The following HSPG2 variants were observed in gnomAD, a reference collection of about 807,000 sequenced individuals.
The protein encoded by HSPG2 is heparan sulfate proteoglycan 2, also known as basement membrane-specific heparan sulfate proteoglycan core protein.
HSPG2 carries 278 observed loss-of-function variants against 526.6 expected under a neutral mutation model. That is an observed-to-expected ratio of 0.53 (90% CI 0.48 to 0.58). The LOEUF (loss-of-function observed/expected upper bound fraction) is 0.58, where lower values mean the gene tolerates loss of function less well. HSPG2 is among the 20% of genes least tolerant of loss of function. HSPG2 has a pLI of 0.00. For missense variants in HSPG2, 5,354 were observed against 6,099.5 expected (o/e 0.88, Z 4.07); for synonymous variants, 2,465 against 2,555.4 (o/e 0.96, Z 1.07).
At position 21,865,653 on chromosome 1, in the gene HSPG2, C is replaced by A. The variant is rs1199878011; in HGVS notation, c.4314+64G>T. On this transcript the variant is annotated intron_variant, in intron 34 of 96. Transcript: ENST00000374695. This position sits in a 1 kb window ranked among gnomAD's most constrained non-coding sequence, Gnocchi z 5.4. ...GGATGGAAAGGACAAAGGACAAATG[C>A]CGAGGGTGCCCCTGGCTTCCATCCT... 3.0e-6 allele frequency: 4 copies of A among 1,329,222 alleles called. No individual in the cohort carries two copies. Among genetic ancestry groups the A allele is most frequent in the African/African-American group, 2.9e-5 (2 of 69,302 alleles). The allele number at this position is 1,329,222 out of a possible 1,614,324, so 82.3% of individuals were successfully genotyped here.
intron 33 of HSPG2, chr1:21,869,776 G>T: frequency 1.0e-6 from 1 of 953,654 alleles, no homozygotes; most frequent in Non-Finnish European, 1.2e-6. Flanking sequence ...TGCACTGTCT[G>T]CTCACAAGTG....
In HSPG2 at chr1:21,872,885, G is replaced by A; in HGVS notation, c.3888+112C>T. The A allele has an allele frequency of 6.5e-7, 1 of 1,532,652 alleles. No homozygotes were observed. The highest frequency in any genetic ancestry group is 9.0e-7 in the Non-Finnish European group (1 of 1,108,084). The allele number at this position is 1,532,652 out of a possible 1,614,324, so 94.9% of individuals were successfully genotyped here. On this transcript the variant is annotated intron_variant, in intron 31 of 96. Coordinates refer to ENST00000374695, the MANE Select transcript of HSPG2 (RefSeq NM_005529.7). The surrounding 1 kb of genome is among the most constrained non-coding windows in gnomAD (Gnocchi z 5.5). ...GGGCAGCCCCTGCCCTGTCCCCCAT[G>A]CCCTGCCCCCCATGCCCAGGTCTCG...
intron 80 of HSPG2, 83 bp from the exon 81 acceptor site, chr1:21,832,689 T>G: frequency 9.7e-7 from 1 of 1,028,310 alleles, no homozygotes; most frequent in Non-Finnish European, 1.5e-6. Context: ...ACCCAAGCTC[T>G]TGAGCCTGTC....
At chr1:21,830,690 C>CAAAAAAAAAAA in intron 85 of HSPG2, 2 of 106,406 alleles carry the variant, frequency 1.9e-5, no homozygotes, top group South Asian at 1.0e-4. Flanking sequence ...AACTTCGTCT[C>CAAAAAAAAAAA]AAAAAAAAAA....
chr1:21,883,125 G>A (rs1395699095), intron 13 of HSPG2, among the ~76,000 whole-genome samples: 1 of 152,100 alleles, frequency 6.6e-6, no homozygotes, highest in African/African-American at 2.4e-5. Flanking sequence ...TGTGAACCCA[G>A]GGAAGCCCCA....
At chr1:21,901,158 C>T (rs1389921766) in intron 1 of HSPG2, among the ~76,000 whole-genome samples, 2 of 151,968 alleles carry the variant, frequency 1.3e-5, no homozygotes, top group Admixed American at 6.6e-5. Flanking sequence ...AAACTGTGAG[C>T]TTGTGTTATT....
In HSPG2 at chr1:21,855,534, A is replaced by T; in HGVS notation, c.5843T>A (p.Leu1948His). 6.2e-7 allele frequency: 1 copy of T among 1,608,322 alleles called. No homozygotes were observed. The highest frequency in any genetic ancestry group is 8.5e-7 in the Non-Finnish European group (1 of 1,178,354). The change falls in exon 46 of 97, where the codon CTC (leucine) becomes CAC (histidine). Residue 1948 changes from leucine (L) to histidine (H), a missense_variant. Leu to His is a moderately conservative substitution (Grantham distance 99). Coordinates refer to ENST00000374695, the MANE Select transcript of HSPG2 (RefSeq NM_005529.7). Reference protein sequence around the residue: ...SAGQQVARAVLHVHGGGGPRV... With the variant: ...SAGQQVARAVHHVHGGGGPRV... ...GCCCGGCCTCTCACCATGCACGTGG[A>T]GCACAGCCCTGGCCACCTGCTGCCC...
At chr1:21,841,797 T>C (rs2098049622) in intron 69 of HSPG2, 124 bp from the exon 70 acceptor site, 2 of 1,373,588 alleles carry the variant, frequency 1.5e-6, no homozygotes, top group South Asian at 1.2e-5. Context: ...GTCTAGCTCA[T>C]GGAGTCGCAG....
chr1:21,868,125 G>C (rs1207741570), intron 33 of HSPG2, among the ~76,000 whole-genome samples: 1 of 151,540 alleles, frequency 6.6e-6, no homozygotes, highest in African/African-American at 2.4e-5. Flanking sequence ...TGCAACCTCC[G>C]CCTCCCAGGT....
Position 21,830,866 on chromosome 1 carries a change from G to A in HSPG2, c.11671+116C>T, listed in dbSNP as rs1001549435. On this transcript the variant is annotated intron_variant, in intron 85 of 96. Transcript: ENST00000374695. ...CATGGGAGGAGTGGAGAGTGCTCAGGTGAGAGTGGGGGGTGTGGAAGTGCC... is the reference window on the plus strand; with the variant it reads ...CATGGGAGGAGTGGAGAGTGCTCAGATGAGAGTGGGGGGTGTGGAAGTGCC... 5 of 702,476 alleles carry A rather than the reference G, an allele frequency of 7.1e-6. No individual in the cohort carries two copies. The African/African-American group carries it at 8.7e-5, about 12-fold the overall frequency. The allele number at this position is 702,476 out of a possible 1,614,324, so 43.5% of individuals were successfully genotyped here. A position where few individuals can be genotyped will look rare whatever the true frequency, so the allele number is the denominator to read the frequency against.
chr1:21,840,552 C>T (rs993782768), intron 71 of HSPG2, among the ~76,000 whole-genome samples: 6 of 152,142 alleles, frequency 3.9e-5, no homozygotes, highest in East Asian at 1.9e-4. Context: ...GTGATCCGCC[C>T]GCCTCAGCCT....
At position 21,876,628 on chromosome 1, in the gene HSPG2, T is replaced by C. The variant is rs776951960; in HGVS notation, c.2710A>G (p.Asn904Asp). ...TGGAAAGAGCCGTCAGCACATTCAT[T>C]GCACAAGCGCCCCACCACATTGTTC... The part of the protein sequence containing the change: ...CKNNVVGRLC[N>D]ECADGSFHLS... Residue 904 changes from asparagine to aspartate, a missense_variant, in exon 22 of 97, where the codon AAT becomes GAT. Physicochemically the swap from Asn to Asp is conservative, Grantham distance 23. Coordinates refer to ENST00000374695, the MANE Select transcript of HSPG2 (RefSeq NM_005529.7). 2 of 1,614,066 alleles carry C rather than the reference T, an allele frequency of 1.2e-6. No homozygotes were observed. Among genetic ancestry groups the C allele is most frequent in the Non-Finnish European group, 1.7e-6 (2 of 1,180,032 alleles).
Position 21,828,230 on chromosome 1 carries a change from C to T in HSPG2, c.12409+25G>A, listed in dbSNP as rs374290829. The stretch of plus-strand genomic sequence containing the variant: ...GCTGACCACCTGTGCCCCTCCCCTC[C>T]GGTGCCCTGGGCAGGCTTTCCCACC... On this transcript the variant is annotated intron_variant, in intron 89 of 96. Transcript: ENST00000374695. The surrounding 1 kb of genome is among the most constrained non-coding windows in gnomAD (Gnocchi z 6.0). 4.8e-5 allele frequency: 78 copies of T among 1,613,146 alleles called. 1 individual carries two copies. In the South Asian group the frequency reaches 6.0e-4, roughly 12 times the overall value.
chr1:21,864,691 T>G lies in HSPG2; in HGVS notation c.4626+152A>C. On this transcript the variant is annotated intron_variant, in intron 36 of 96. Coordinates refer to ENST00000374695, the MANE Select transcript of HSPG2 (RefSeq NM_005529.7). The surrounding 1 kb of genome is among the most constrained non-coding windows in gnomAD (Gnocchi z 4.8). ...ACCTGTTAAAGGGGATAATGATATG[T>G]AACTCAGGGCTGTCGGGAGGAATAC... 2.8e-6 allele frequency: 2 copies of G among 704,810 alleles called. No homozygotes were observed. The highest frequency in any genetic ancestry group is 5.0e-6 in the Non-Finnish European group (2 of 401,742). The allele number at this position is 704,810 out of a possible 1,614,324, so 43.7% of individuals were successfully genotyped here. A position where few individuals can be genotyped will look rare whatever the true frequency, so the allele number is the denominator to read the frequency against.
Position 21,876,368 on chromosome 1 carries a change from A to C in HSPG2, c.2864T>G (p.Leu955Arg), listed in dbSNP as rs760176328. The C allele has an allele frequency of 1.2e-6, 2 of 1,612,774 alleles. No individual in the cohort carries two copies. The highest frequency in any genetic ancestry group is 1.7e-6 in the Non-Finnish European group (2 of 1,179,466). The change falls in exon 23 of 97, where the codon CTG becomes CGG. Residue 955 changes from leucine (L) to arginine (R), a missense_variant. Coordinates refer to ENST00000374695, the MANE Select transcript of HSPG2 (RefSeq NM_005529.7). ...GASEEPGHFS[L>R]TNAASTHTTN... ...GGTGTGGGTGCTTGCGGCGTTGGTC[A>C]GGCTGAAGTGACCAGGCTCCTCAGA...
At chr1:21,832,969 G>C (rs1300915005) in intron 80 of HSPG2, 3 of 559,568 alleles carry the variant, frequency 5.4e-6, no homozygotes, top group Non-Finnish European at 9.7e-6. Flanking sequence ...GCAGAGGAGG[G>C]AGGAAGGAGC....
chr1:21,905,615 G>C (rs1291635463), intron 1 of HSPG2, among the ~76,000 whole-genome samples: 1 of 152,204 alleles, frequency 6.6e-6, no homozygotes, highest in Admixed American at 6.5e-5. Context: ...GGTGGCAGGC[G>C]CCTGTAATCC....
At chr1:21,918,421 C>T (rs1421533557) in intron 1 of HSPG2, among the ~76,000 whole-genome samples, 11 of 149,964 alleles carry the variant, frequency 7.3e-5, no homozygotes, top group African/African-American at 1.2e-4. Context: ...GCCAAGATGG[C>T]GCCACTGCAC....
intron 1 of HSPG2, among the ~76,000 whole-genome samples, chr1:21,912,633 A>G (rs1643737302): frequency 6.6e-6 from 1 of 152,104 alleles, no homozygotes. Context: ...CTGCTGGGGA[A>G]CTTTATCACT....
Sources: allele counts gnomAD v4.1 joint callset (sites outside exome capture counted in the v4.1 genomes callset), GRCh38; gene constraint gnomAD v4.1.1; non-coding constraint Gnocchi (gnomAD v3.1); transcripts MANE v1.5; gene names NCBI Gene and HGNC (gene_info 2026-07-23, HGNC 2026-07-21).